RABGEF1: variants seen among roughly 807,000 people sequenced by gnomAD.
RABGEF1 encodes the protein rab5 GDP/GTP exchange factor.
In RABGEF1, 26 loss-of-function variants were observed where a neutral mutation model predicts 57.3. The ratio of observed to expected loss-of-function variants is 0.45; its 90% CI spans 0.33 to 0.63. The LOEUF is 0.63. RABGEF1 is among the 20% of genes least tolerant of loss of function. The probability of loss-of-function intolerance (pLI) is 0.02; values close to 1 mark genes in which losing one functional copy is unlikely to be tolerated. For missense variants in RABGEF1, 464 were observed against 607.6 expected (o/e 0.76, Z 2.48); for synonymous variants, 185 against 210.7 (o/e 0.88, Z 1.06).
intron 1 of RABGEF1, among the ~76,000 whole-genome samples, chr7:66,746,724 A>G (rs1324793305): frequency 6.7e-6 from 1 of 149,234 alleles, no homozygotes; most frequent in Non-Finnish European, 1.5e-5. Context: ...CCCCGGTTCA[A>G]GCGATTCTTG....
upstream of RABGEF1, among the ~76,000 whole-genome samples, chr7:66,679,073 T>C (rs1789507363): frequency 6.6e-6 from 1 of 152,192 alleles, no homozygotes; most frequent in Non-Finnish European, 1.5e-5. Context: ...TTCCCTCCCA[T>C]ATTGACGTTG....
chr7:66,714,444 C>G (rs2117426713), intron 2 of RABGEF1, among the ~76,000 whole-genome samples: 1 of 152,176 alleles, frequency 6.6e-6, no homozygotes, highest in Non-Finnish European at 1.5e-5. Context: ...TAATTTATGT[C>G]TCGTTTCCTT....
chr7:66,794,778 T>A (rs1813615319), intron 4 of RABGEF1, among the ~76,000 whole-genome samples: 2 of 152,214 alleles, frequency 1.3e-5, no homozygotes, highest in Admixed American at 1.3e-4. Flanking sequence ...AAATTATTTA[T>A]ACCTACAGTG....
chr7:66,766,817 C>T (rs1411709007), intron 1 of RABGEF1, among the ~76,000 whole-genome samples: 2 of 151,838 alleles, frequency 1.3e-5, no homozygotes, highest in Admixed American at 1.3e-4. Context: ...CTCTGCCTCC[C>T]AGGTCCAAGC....
intron 8 of RABGEF1, 56 bp from the exon 9 acceptor site, chr7:66,808,830 G>A (rs1789053199): frequency 4.2e-6 from 6 of 1,426,620 alleles, no homozygotes; most frequent in South Asian, 1.4e-5. Flanking sequence ...TTTACAAATC[G>A]ACTCGAGTAT....
intron 4 of RABGEF1, among the ~76,000 whole-genome samples, chr7:66,792,548 G>T (rs1419012144): frequency 6.6e-6 from 1 of 152,202 alleles, no homozygotes; most frequent in African/African-American, 2.4e-5. Context: ...AGGAACCTTG[G>T]ATTTAGGGAT....
At chr7:66,657,982 T>C in the RABGEF1 span, among the ~76,000 whole-genome samples, 2,471 of 152,110 alleles carry the variant, frequency 0.016, 45 homozygotes, top group Middle Eastern at 0.027. Context: ...ATTAAGAGAA[T>C]AGATAAAATT....
chr7:66,654,945 C>T, the RABGEF1 span, among the ~76,000 whole-genome samples: 3 of 152,252 alleles, frequency 2.0e-5, no homozygotes, highest in African/African-American at 7.2e-5. Context: ...CCGGCCGCCT[C>T]CCTCTTCGGC....
chr7:66,777,100 T>G (rs1808736766), intron 3 of RABGEF1, among the ~76,000 whole-genome samples: 1 of 152,252 alleles, frequency 6.6e-6, no homozygotes, highest in South Asian at 2.1e-4. Flanking sequence ...TGTTTTAAAA[T>G]GCAAGTTATT....
chr7:66,769,320 C>T (rs193255513), intron 1 of RABGEF1, among the ~76,000 whole-genome samples: 1 of 152,230 alleles, frequency 6.6e-6, no homozygotes, highest in African/African-American at 2.4e-5. Context: ...CAACTGCAGT[C>T]GCTGTGCTCA....
In RABGEF1 at chr7:66,775,215, C is replaced by G. The variant is rs775523306; in HGVS notation, c.180-12C>G. The G allele has an allele frequency of 1.2e-6, 2 of 1,606,642 alleles. No homozygotes were observed. The highest frequency in any genetic ancestry group is 1.1e-5 in the South Asian group (1 of 90,262). On this transcript the variant is annotated splice_polypyrimidine_tract_variant and intron_variant, in intron 2 of 8. Coordinates refer to ENST00000284957, the MANE Select transcript of RABGEF1 (RefSeq NM_014504.3). ...AATATCTAGGTCATTCTAATCCTCTCTTGAATTGCAGACTCCAGCGGGAGG... is the reference window on the plus strand; with the variant it reads ...AATATCTAGGTCATTCTAATCCTCTGTTGAATTGCAGACTCCAGCGGGAGG...
intron 2 of RABGEF1, among the ~76,000 whole-genome samples, chr7:66,728,253 C>T (rs1160387825): frequency 1.3e-5 from 2 of 152,166 alleles, no homozygotes; most frequent in Non-Finnish European, 2.9e-5. Flanking sequence ...CCTGGTTCTT[C>T]ACTCACATTA....
chr7:66,746,539 T>G (rs1800267619), intron 1 of RABGEF1, among the ~76,000 whole-genome samples: 1 of 151,356 alleles, frequency 6.6e-6, no homozygotes, highest in Admixed American at 6.6e-5. Context: ...TCCACCCGCC[T>G]CGGCCTCCCA....
intron 1 of RABGEF1, among the ~76,000 whole-genome samples, chr7:66,705,332 G>C (rs560396650): frequency 1.3e-5 from 2 of 152,112 alleles, no homozygotes; most frequent in South Asian, 2.1e-4. Context: ...ACCTACTAGG[G>C]AGGCTGAGGC....
chr7:66,745,963 AAAAAG>A (rs1306424710), intron 1 of RABGEF1, among the ~76,000 whole-genome samples: 1 of 152,112 alleles, frequency 6.6e-6, no homozygotes, highest in Non-Finnish European at 1.5e-5. Flanking sequence ...CTGTCTCTAT[AAAAAG>A]AAGTTTCATA....
chr7:66,673,989 T>C, the RABGEF1 span, among the ~76,000 whole-genome samples: 2 of 152,238 alleles, frequency 1.3e-5, no homozygotes, highest in Non-Finnish European at 2.9e-5. Flanking sequence ...CGTTCAGATA[T>C]TATGGTTAGG....
At chr7:66,687,247 C>T (rs1000515825) in intron 1 of RABGEF1, among the ~76,000 whole-genome samples, 6 of 151,208 alleles carry the variant, frequency 4.0e-5, no homozygotes, top group African/African-American at 1.5e-4. Context: ...TGCCTCGGCC[C>T]CCCAGTAGGT....
At chr7:66,738,020 T>TG (rs1402532676), upstream of RABGEF1, among the ~76,000 whole-genome samples, 5 of 139,742 alleles carry the variant, frequency 3.6e-5, 1 homozygote, top group Non-Finnish European at 3.2e-5. Context: ...TTTTGTTTTT[T>TG]TTGTTTTTTT....
the RABGEF1 span, among the ~76,000 whole-genome samples, chr7:66,656,934 A>G: frequency 1.3e-5 from 2 of 152,162 alleles, no homozygotes; most frequent in African/African-American, 4.8e-5. Flanking sequence ...CTATACTGAT[A>G]AAAAGTTTAA....
Sources: gnomAD v4.1 joint callset for allele counts (sites outside exome capture counted in the v4.1 genomes callset) on GRCh38, gnomAD v4.1.1 for gene constraint, MANE v1.5 for transcripts, NCBI Gene and HGNC (gene_info 2026-07-23, HGNC 2026-07-21) for gene names.